The following AGBL4 variants were observed in gnomAD, a reference collection of about 807,000 sequenced individuals.
The protein encoded by AGBL4 is cytosolic carboxypeptidase 6.
AGBL4 carries 58 observed loss-of-function variants against 66.4 expected under a neutral mutation model. The ratio of observed to expected loss-of-function variants is 0.87; its 90% CI spans 0.71 to 1.09. The LOEUF is 1.09. Ranked by LOEUF, AGBL4 falls within the 50% of genes least tolerant of loss-of-function variation. The probability of loss-of-function intolerance (pLI) is 0.00; values close to 1 mark genes in which losing one functional copy is unlikely to be tolerated. For missense variants in AGBL4, 579 were observed against 631.0 expected (o/e 0.92, Z 0.88); for synonymous variants, 234 against 222.9 (o/e 1.05, Z -0.44).
chr1:49,454,227 A>C (rs1258819031), intron 3 of AGBL4, among the ~76,000 whole-genome samples: 1 of 151,804 alleles, frequency 6.6e-6, no homozygotes, highest in Non-Finnish European at 1.5e-5. Context: ...GAGCATTGAG[A>C]TGGCAAACAG....
chr1:49,515,341 T>C (rs368647764), intron 3 of AGBL4, among the ~76,000 whole-genome samples: 3 of 151,922 alleles, frequency 2.0e-5, no homozygotes, highest in African/African-American at 7.2e-5. Context: ...CAATGAGATA[T>C]CATCTCACAC....
intron 9 of AGBL4, among the ~76,000 whole-genome samples, chr1:48,618,977 C>T (rs1277595592): frequency 6.6e-6 from 1 of 151,926 alleles, no homozygotes; most frequent in African/African-American, 2.4e-5. Context: ...AGAATTTCTC[C>T]TTTCTAGGTT....
chr1:49,972,814 C>A (rs950642227), intron 1 of AGBL4, among the ~76,000 whole-genome samples: 3 of 152,130 alleles, frequency 2.0e-5, no homozygotes, highest in African/African-American at 7.2e-5. Flanking sequence ...CAATACTATC[C>A]ATGCTTCGGA....
intron 5 of AGBL4, chr1:49,025,525 A>C (rs1051447046): frequency 6.6e-6 from 1 of 152,194 alleles, no homozygotes; most frequent in South Asian, 2.1e-4. Context: ...GAACCAGAAG[A>C]ACTTGGGATT....
chr1:49,616,573 C>A (rs1471383312), intron 3 of AGBL4, among the ~76,000 whole-genome samples: 2 of 152,112 alleles, frequency 1.3e-5, no homozygotes, highest in African/African-American at 4.8e-5. Flanking sequence ...TTGATGGCTT[C>A]CAATTTATAA....
At chr1:49,728,985 T>G (rs1461999541) in intron 2 of AGBL4, among the ~76,000 whole-genome samples, 1 of 152,220 alleles carries the variant, frequency 6.6e-6, no homozygotes, top group Non-Finnish European at 1.5e-5. Flanking sequence ...CCATATTGTA[T>G]GTTCACTTAT....
chr1:49,459,559 T>A (rs1261566709), intron 3 of AGBL4, among the ~76,000 whole-genome samples: 2 of 151,732 alleles, frequency 1.3e-5, no homozygotes, highest in Non-Finnish European at 2.9e-5. Flanking sequence ...TCTTCTTTTC[T>A]TGGTTAATCT....
chr1:49,599,460 CT>C (rs1310704673), intron 3 of AGBL4, among the ~76,000 whole-genome samples: 2 of 152,060 alleles, frequency 1.3e-5, no homozygotes, highest in African/African-American at 4.8e-5. Flanking sequence ...TCCCCTTTAT[CT>C]TTTTTTATTG....
At chr1:48,825,851 A>G (rs963678873) in intron 6 of AGBL4, among the ~76,000 whole-genome samples, 1 of 152,176 alleles carries the variant, frequency 6.6e-6, no homozygotes, top group Non-Finnish European at 1.5e-5. Context: ...ACTGTCTTCT[A>G]TGGGCAATGG....
intron 3 of AGBL4, among the ~76,000 whole-genome samples, chr1:49,661,319 A>T (rs952957926): frequency 1.2e-4 from 19 of 152,116 alleles, no homozygotes; most frequent in African/African-American, 4.1e-4. Flanking sequence ...TCCAAGTCTC[A>T]TGTTGAAATG....
At chr1:49,132,902 G>T (rs1285878781) in intron 4 of AGBL4, among the ~76,000 whole-genome samples, 3 of 152,048 alleles carry the variant, frequency 2.0e-5, no homozygotes. Context: ...TATACCGAAA[G>T]GATTATAAAT....
At chr1:49,190,582 C>T (rs933597384) in intron 4 of AGBL4, among the ~76,000 whole-genome samples, 1 of 152,116 alleles carries the variant, frequency 6.6e-6, no homozygotes, top group Non-Finnish European at 1.5e-5. Context: ...TTTTGCCTCA[C>T]CCTTCACCAT....
intron 4 of AGBL4, among the ~76,000 whole-genome samples, chr1:49,112,094 TAA>T (rs1645423652): frequency 6.6e-6 from 1 of 152,202 alleles, no homozygotes; most frequent in African/African-American, 2.4e-5. Flanking sequence ...GTTAAAATTT[TAA>T]AGACTCTGAA....
chr1:48,723,366 T>G (rs561098179), intron 6 of AGBL4, among the ~76,000 whole-genome samples: 2 of 152,302 alleles, frequency 1.3e-5, no homozygotes, highest in African/African-American at 4.8e-5. Flanking sequence ...TATTCAAGCA[T>G]GGTTTGGAAT....
intron 3 of AGBL4, among the ~76,000 whole-genome samples, chr1:49,683,601 G>C (rs1354239480): frequency 3.9e-5 from 6 of 152,128 alleles, no homozygotes; most frequent in Admixed American, 3.9e-4. Context: ...GTTAGCATCA[G>C]CAATGGAAGC....
At chr1:49,194,421 A>T (rs2148214735) in intron 4 of AGBL4, among the ~76,000 whole-genome samples, 1 of 152,228 alleles carries the variant, frequency 6.6e-6, no homozygotes. Context: ...AAGTGAGGTG[A>T]CTTTCTTGTA....
intron 4 of AGBL4, among the ~76,000 whole-genome samples, chr1:49,123,360 C>T (rs1645699693): frequency 6.6e-6 from 1 of 152,116 alleles, no homozygotes; most frequent in East Asian, 1.9e-4. Flanking sequence ...AGTTAATTGT[C>T]AGAAAGTCAA....
chr1:49,027,562 G>T (rs1167972372), intron 5 of AGBL4, among the ~76,000 whole-genome samples: 1 of 152,086 alleles, frequency 6.6e-6, no homozygotes, highest in Non-Finnish European at 1.5e-5. Flanking sequence ...GATGGAAGCT[G>T]TACTCCAAGA....
chr1:49,940,799 T>C (rs1654674991), intron 1 of AGBL4, among the ~76,000 whole-genome samples: 1 of 151,980 alleles, frequency 6.6e-6, no homozygotes, highest in African/African-American at 2.4e-5. Flanking sequence ...CATGTATACA[T>C]ATGTAACTAA....
Sources: gnomAD v4.1 joint callset for allele counts (sites outside exome capture counted in the v4.1 genomes callset) on GRCh38, gnomAD v4.1.1 for gene constraint, MANE v1.5 for transcripts, NCBI Gene and HGNC (gene_info 2026-07-23, HGNC 2026-07-21) for gene names.